Variants in PDE4C observed in about 807,000 individuals in gnomAD.
The protein encoded by PDE4C is 3',5'-cyclic-AMP phosphodiesterase 4C.
In PDE4C, 50 loss-of-function variants were observed where a neutral mutation model predicts 63.9. That is an observed-to-expected ratio of 0.78 (90% confidence interval 0.62 to 0.99). The LOEUF is 0.99. Among genes scored for constraint, PDE4C ranks in the 50% least tolerant of loss-of-function variants. The pLI, the probability that PDE4C is intolerant of heterozygous loss-of-function variation, is 0.00. For synonymous variants in PDE4C, 377 were observed against 385.1 expected (o/e 0.98, Z 0.25); for missense variants, 777 against 899.1 (o/e 0.86, Z 1.74).
chr19:18,233,697 G>A (rs531995028), upstream of PDE4C: 162 of 354,786 alleles, frequency 4.6e-4, 1 homozygote, highest in South Asian at 6.9e-4. Flanking sequence ...ATGAGACAGC[G>A]AAGAGCTGTC....
intron 13 of PDE4C, among the ~76,000 whole-genome samples, chr19:18,212,161 T>C (rs372677917): frequency 2.7e-5 from 4 of 148,404 alleles, no homozygotes; most frequent in East Asian, 4.0e-4. Context: ...TAAATGAGAA[T>C]TGCAAAAATG....
At chr19:18,248,203 C>CCTG (rs764934424), upstream of PDE4C, 9 of 456,330 alleles carry the variant, frequency 2.0e-5, 1 homozygote, top group South Asian at 1.4e-4. Flanking sequence ...GGTCCCATGA[C>CCTG]CTGCTGGCTA....
exon 1 of PDE4C, chr19:18,233,619 C>T (rs917939042): frequency 4.0e-4 from 177 of 439,632 alleles, no homozygotes; most frequent in African/African-American, 1.7e-3. Context: ...AGGAGACCCC[C>T]GGGGCCGAGA....
chr19:18,236,409 G>A (rs555802893), upstream of PDE4C, among the ~76,000 whole-genome samples: 5 of 152,196 alleles, frequency 3.3e-5, no homozygotes, highest in South Asian at 1.0e-3. Context: ...TTTTACTAGA[G>A]ACAGGGTTTC....
At position 18,216,623 on chromosome 19, in the gene PDE4C, G is replaced by A. The variant is rs374175735; in HGVS notation, c.1389+118C>T. 5.3e-4 allele frequency: 530 copies of A among 995,304 alleles called. 3 individuals are homozygous for A. The highest frequency in any genetic ancestry group is 9.6e-4 in the Admixed American group (40 of 41,634). The allele number at this position is 995,304 out of a possible 1,614,324, so 61.7% of individuals were successfully genotyped here. On this transcript the variant is annotated intron_variant, in intron 12 of 14. Transcript: ENST00000262805. ...GGAAGCTCAGACAGAGTGAGGACAT[G>A]CCTGGGTCTGGATGAACCGCCGGCC...
chr19:18,211,489 C>T (rs560798137), intron 14 of PDE4C, among the ~76,000 whole-genome samples: 1 of 152,322 alleles, frequency 6.6e-6, no homozygotes, highest in Admixed American at 6.5e-5. Context: ...CCTAACCCCA[C>T]AGGGCTGAAT....
intron 1 of PDE4C, among the ~76,000 whole-genome samples, chr19:18,245,159 T>TTTG (rs1416790877): frequency 4.1e-5 from 1 of 24,434 alleles, no homozygotes; most frequent in Middle Eastern, 0.023. Flanking sequence ...TGTTTGTTTG[T>TTTG]TTGTTTGTTT....
chr19:18,250,417 G>A (rs971005338), upstream of PDE4C: 7 of 399,040 alleles, frequency 1.8e-5, no homozygotes, highest in African/African-American at 1.0e-4. Flanking sequence ...GCAAACACAC[G>A]ACCACCACCA....
upstream of PDE4C, among the ~76,000 whole-genome samples, chr19:18,249,035 A>T (rs1969191199): frequency 1.3e-5 from 2 of 151,222 alleles, no homozygotes; most frequent in African/African-American, 4.9e-5. Flanking sequence ...TATTAAAAAA[A>T]AAAAAAAAAG....
intron 11 of PDE4C, among the ~76,000 whole-genome samples, chr19:18,217,846 G>T (rs1351465191): frequency 6.6e-6 from 1 of 152,030 alleles, no homozygotes; most frequent in Non-Finnish European, 1.5e-5. Flanking sequence ...GCAGTGAGCC[G>T]AAATCGCGCC....
upstream of PDE4C, chr19:18,252,591 CCTCT>C (rs775813814): frequency 1.2e-3 from 420 of 354,628 alleles, 1 homozygote; most frequent in East Asian, 0.014. Context: ...ATAGCGAGAC[CCTCT>C]CTCTCTCTCT....
intron 1 of PDE4C, among the ~76,000 whole-genome samples, chr19:18,223,434 T>A (rs968908364): frequency 6.6e-6 from 1 of 152,120 alleles, no homozygotes; most frequent in African/African-American, 2.4e-5. Context: ...GGTCTTGAAC[T>A]CCCGACCTCA....
chr19:18,222,294 C>G, exon 2 of PDE4C: 1 of 1,611,994 alleles, frequency 6.2e-7, no homozygotes, highest in Non-Finnish European at 8.5e-7. Context: ...GGCCCTCCTC[C>G]CACACGAGAG....
At chr19:18,248,732 C>A (rs1969181448), upstream of PDE4C, among the ~76,000 whole-genome samples, 1 of 152,020 alleles carries the variant, frequency 6.6e-6, no homozygotes, top group African/African-American at 2.4e-5. Flanking sequence ...CAAAGACCCT[C>A]TCTGGTCATT....
At chr19:18,216,919 C>T (rs1471745988) in intron 11 of PDE4C, 24 bp from the exon 12 acceptor site, 1 of 1,573,120 alleles carries the variant, frequency 6.4e-7, no homozygotes, top group Non-Finnish European at 8.6e-7. Flanking sequence ...GGACTGAGAG[C>T]CCCAAGATCC....
rs758994819 is a variant in PDE4C at position 18,233,232 on chromosome 19, C to G, written c.-41G>C. 22 of 1,546,448 alleles carry G rather than the reference C, an allele frequency of 1.4e-5. No homozygotes were observed. The African/African-American group carries it at 2.6e-4, about 18-fold the overall frequency. Reference sequence around the variant, plus strand: ...GTCTGGGATAGCAGGGAGCAGGACTCGTCCCCGTGAGCGGGCGCCGAGGAG... The same window carrying G: ...GTCTGGGATAGCAGGGAGCAGGACTGGTCCCCGTGAGCGGGCGCCGAGGAG... On this transcript the variant is annotated 5_prime_UTR_variant, in exon 1 of 15. Coordinates refer to the PDE4C transcript ENST00000594465.
intron 14 of PDE4C, 21 bp from the exon 15 acceptor site, chr19:18,211,297 T>C (rs1967929879): frequency 1.3e-6 from 2 of 1,542,182 alleles, no homozygotes; most frequent in Non-Finnish European, 1.8e-6. Context: ...GGGTGGGGCA[T>C]GTCGGCATTT....
At chr19:18,211,627 G>C in intron 14 of PDE4C, 132 bp downstream of exon 14, 1 of 962,646 alleles carries the variant, frequency 1.0e-6, no homozygotes, top group Non-Finnish European at 1.6e-6. Context: ...GGTCTAACTC[G>C]GCCCAGACAG....
chr19:18,252,285 G>A (rs546591352), upstream of PDE4C: 8 of 399,180 alleles, frequency 2.0e-5, no homozygotes, highest in East Asian at 2.5e-4. Context: ...GCTGGGGCTC[G>A]GCTGGATGGT....
Sources: gnomAD v4.1 joint callset for allele counts (sites outside exome capture counted in the v4.1 genomes callset) on GRCh38, gnomAD v4.1.1 for gene constraint, MANE v1.5 for transcripts, NCBI Gene and HGNC (gene_info 2026-07-23, HGNC 2026-07-21) for gene names.